Variants in SUPT3H observed in about 807,000 individuals in gnomAD.
SUPT3H encodes the protein transcription initiation protein SPT3 homolog.
In SUPT3H, 44 loss-of-function variants were observed where a neutral mutation model predicts 44.3. That is an observed-to-expected ratio of 0.99 (90% CI 0.78 to 1.28). The LOEUF (loss-of-function observed/expected upper bound fraction) is 1.28, where lower values mean the gene tolerates loss of function less well. Among genes scored for constraint, SUPT3H ranks in the 50% most tolerant of loss-of-function variants. The pLI is 0.00. For synonymous variants in SUPT3H, 124 were observed against 125.6 expected (o/e 0.99, Z 0.09); for missense variants, 380 against 387.1 (o/e 0.98, Z 0.15).
At chr6:45,071,133 T>A (rs147133870) in intron 3 of SUPT3H, among the ~76,000 whole-genome samples, 5 of 152,238 alleles carry the variant, frequency 3.3e-5, no homozygotes, top group Admixed American at 3.3e-4. Flanking sequence ...GAAATATGTA[T>A]CTTCATTTCA....
At chr6:45,365,630 C>T (rs139288737) in intron 1 of SUPT3H, among the ~76,000 whole-genome samples, 32 of 147,940 alleles carry the variant, frequency 2.2e-4, no homozygotes, top group African/African-American at 7.8e-4. Flanking sequence ...CTTCAGGGAG[C>T]CCTACGGTTC....
intron 10 of SUPT3H, among the ~76,000 whole-genome samples, chr6:44,866,105 A>G (rs1775457853): frequency 1.0e-5 from 1 of 95,646 alleles, no homozygotes; most frequent in South Asian, 4.8e-4. Flanking sequence ...GCCTACATCG[A>G]CTTTTTTTTT....
In SUPT3H at chr6:45,286,247, G is replaced by T. The variant is rs182094602; in HGVS notation, c.101+78954C>A. On this transcript the variant is annotated intron_variant, in intron 2 of 10. Coordinates refer to ENST00000371459, the MANE Select transcript of SUPT3H (RefSeq NM_003599.4). ...CAACAGAAGCCAAAATTGAGAAATG[G>T]GATCTAATTAAACTAAAGAGCTTCT... Among the ~76,000 whole-genome samples the T allele has an allele frequency of 1.8e-3, 268 of 152,064 alleles. 3 individuals are homozygous for T. Among genetic ancestry groups the T allele is most frequent in the African/African-American group, 6.3e-3 (262 of 41,434 alleles).
At chr6:45,177,211 G>C (rs1812113226) in intron 2 of SUPT3H, among the ~76,000 whole-genome samples, 1 of 152,200 alleles carries the variant, frequency 6.6e-6, no homozygotes, top group Non-Finnish European at 1.5e-5. Flanking sequence ...AACCAATACA[G>C]AGAAGTGCTT....
At chr6:44,961,131 C>A (rs1980265) in intron 7 of SUPT3H, among the ~76,000 whole-genome samples, 62,433 of 151,918 alleles carry the variant, frequency 0.41, 13,176 homozygotes, top group East Asian at 0.7. Flanking sequence ...TTTTGCTACA[C>A]AATCTAGCTC....
At chr6:44,817,219 A>G (rs1228785435) in intron 11 of SUPT3H, among the ~76,000 whole-genome samples, 1 of 152,004 alleles carries the variant, frequency 6.6e-6, no homozygotes, top group Non-Finnish European at 1.5e-5. Flanking sequence ...CAATCAACGT[A>G]ATCTATCACT....
intron 1 of SUPT3H, among the ~76,000 whole-genome samples, chr6:45,372,841 G>A (rs1796273598): frequency 6.6e-6 from 1 of 151,696 alleles, no homozygotes; most frequent in African/African-American, 2.4e-5. Context: ...TTTTTGAGAT[G>A]GAGTTTTGCT....
At chr6:44,980,337 A>G (rs915285032) in intron 6 of SUPT3H, among the ~76,000 whole-genome samples, 2 of 152,140 alleles carry the variant, frequency 1.3e-5, no homozygotes, top group African/African-American at 4.8e-5. Context: ...AACAACATAT[A>G]ACAAAATCAT....
intron 2 of SUPT3H, among the ~76,000 whole-genome samples, chr6:45,211,318 C>A (rs1217304272): frequency 2.0e-5 from 3 of 152,106 alleles, no homozygotes; most frequent in East Asian, 1.9e-4. Flanking sequence ...TCTCCCCTGC[C>A]CTTTCATGGT....
intron 2 of SUPT3H, among the ~76,000 whole-genome samples, chr6:45,274,669 C>G (rs1748481597): frequency 6.6e-6 from 1 of 152,018 alleles, no homozygotes; most frequent in Non-Finnish European, 1.5e-5. Context: ...TGGCTTGAGC[C>G]CAGGAGTTTG....
intron 10 of SUPT3H, among the ~76,000 whole-genome samples, chr6:44,886,554 G>A (rs2153437818): frequency 6.6e-6 from 1 of 152,292 alleles, no homozygotes; most frequent in South Asian, 2.1e-4. Context: ...ATCCTTTACA[G>A]ACAAGCAAAT....
At chr6:45,151,025 T>G (rs9463071) in intron 2 of SUPT3H, among the ~76,000 whole-genome samples, 27,340 of 152,046 alleles carry the variant, frequency 0.18, 3,963 homozygotes, top group African/African-American at 0.4. Context: ...CCAGCCATCT[T>G]TATACTGCTT....
At chr6:45,030,647 A>G (rs2153523512) in intron 3 of SUPT3H, among the ~76,000 whole-genome samples, 1 of 152,284 alleles carries the variant, frequency 6.6e-6, no homozygotes, top group African/African-American at 2.4e-5. Context: ...GACCACACAC[A>G]GGCCAATGTA....
At chr6:45,228,202 A>G (rs1236331045) in intron 2 of SUPT3H, among the ~76,000 whole-genome samples, 1 of 152,218 alleles carries the variant, frequency 6.6e-6, no homozygotes, top group Non-Finnish European at 1.5e-5. Flanking sequence ...AATGGGCCAA[A>G]GGGCACCCCA....
At chr6:44,969,392 G>A (rs1777237929) in intron 6 of SUPT3H, among the ~76,000 whole-genome samples, 1 of 148,924 alleles carries the variant, frequency 6.7e-6, no homozygotes, top group African/African-American at 2.4e-5. Flanking sequence ...ACTTTTCAGT[G>A]ACACATTTCA....
chr6:45,177,936 G>C (rs1812296159), intron 2 of SUPT3H, among the ~76,000 whole-genome samples: 1 of 152,048 alleles, frequency 6.6e-6, no homozygotes, highest in African/African-American at 2.4e-5. Context: ...ACATGGAAAG[G>C]AACAACCGGT....
At chr6:45,061,415 T>C (rs968015494) in intron 3 of SUPT3H, among the ~76,000 whole-genome samples, 1 of 152,040 alleles carries the variant, frequency 6.6e-6, no homozygotes, top group Non-Finnish European at 1.5e-5. Context: ...GTAGAAACAC[T>C]GTGGGGAACA....
chr6:45,166,275 T>C (rs1330486642), intron 2 of SUPT3H, among the ~76,000 whole-genome samples: 1 of 151,508 alleles, frequency 6.6e-6, no homozygotes, highest in Non-Finnish European at 1.5e-5. Context: ...CTGGGTGACA[T>C]AGTGAGACTC....
At chr6:45,336,816 CCT>C (rs1241056565) in intron 2 of SUPT3H, among the ~76,000 whole-genome samples, 1 of 151,468 alleles carries the variant, frequency 6.6e-6, no homozygotes, top group Non-Finnish European at 1.5e-5. Context: ...AAATTTTCTA[CCT>C]CTGTTTTAAA....
Sources: allele counts gnomAD v4.1 joint callset (sites outside exome capture counted in the v4.1 genomes callset), GRCh38; gene constraint gnomAD v4.1.1; transcripts MANE v1.5; gene names NCBI Gene and HGNC (gene_info 2026-07-23, HGNC 2026-07-21).